KLHL3: variants seen among roughly 807,000 people sequenced by gnomAD.
KLHL3 encodes the protein kelch like family member 3.
KLHL3 carries 19 observed loss-of-function variants against 70.5 expected under a neutral mutation model. That is an observed-to-expected ratio of 0.27 (90% CI 0.19 to 0.40). The LOEUF (loss-of-function observed/expected upper bound fraction) is 0.40, where lower values mean the gene tolerates loss of function less well. Ranked by LOEUF, KLHL3 falls within the 10% of genes least tolerant of loss-of-function variation. The probability of loss-of-function intolerance (pLI) is 1.00; values close to 1 mark genes in which losing one functional copy is unlikely to be tolerated. For missense variants in KLHL3, 512 were observed against 771.1 expected (o/e 0.66, Z 3.98); for synonymous variants, 258 against 290.3 (o/e 0.89, Z 1.13).
chr5:137,711,892 T>C (rs1752798261), intron 2 of KLHL3, among the ~76,000 whole-genome samples: 1 of 152,026 alleles, frequency 6.6e-6, no homozygotes, highest in Non-Finnish European at 1.5e-5. Flanking sequence ...ATCACTGCTA[T>C]TTAAGAATAA....
chr5:137,697,384 G>T (rs7707290), intron 4 of KLHL3, among the ~76,000 whole-genome samples: 1 of 152,034 alleles, frequency 6.6e-6, no homozygotes, highest in Non-Finnish European at 1.5e-5. Flanking sequence ...GGCTGGTTTC[G>T]AACTCCTTAC....
At chr5:137,721,994 T>C (rs114917985) in intron 1 of KLHL3, among the ~76,000 whole-genome samples, 1,833 of 152,346 alleles carry the variant, frequency 0.012, 39 homozygotes, top group African/African-American at 0.042. Flanking sequence ...CGGTTTGATC[T>C]AGGCTAAGCT....
rs1752976621 is a variant in KLHL3, at chr5:137,720,451, G to A, written c.134+14C>T. On this transcript the variant is annotated intron_variant, in intron 2 of 14. Transcript: ENST00000309755. ...GTTCCTTCTGCAAGGGCACGGACAA[G>A]ATAGAAAAAGTACCTCCGCAGTTCA... The A allele has an allele frequency of 1.9e-6, 3 of 1,613,974 alleles. No homozygotes were observed. The highest frequency in any genetic ancestry group is 2.7e-5 in the African/African-American group (2 of 74,916).
intron 7 of KLHL3, chr5:137,660,958 T>C (rs1211438819): frequency 6.5e-6 from 1 of 152,964 alleles, no homozygotes; most frequent in Admixed American, 6.5e-5. Flanking sequence ...AACCTCCTCT[T>C]TATCCTTGCA....
intron 1 of KLHL3, among the ~76,000 whole-genome samples, chr5:137,727,450 C>T (rs1313023620): frequency 1.3e-5 from 2 of 152,196 alleles, no homozygotes; most frequent in African/African-American, 4.8e-5. Flanking sequence ...TGAAGCCTCA[C>T]TGATTCCTCA....
At chr5:137,697,932 G>T (rs1752483098) in intron 4 of KLHL3, among the ~76,000 whole-genome samples, 1 of 152,218 alleles carries the variant, frequency 6.6e-6, no homozygotes, top group Non-Finnish European at 1.5e-5. Context: ...TTTGAATTCT[G>T]AGATGAGACG....
intron 4 of KLHL3, among the ~76,000 whole-genome samples, chr5:137,696,555 G>A (rs896263477): frequency 6.6e-6 from 1 of 152,204 alleles, no homozygotes; most frequent in Non-Finnish European, 1.5e-5. Flanking sequence ...TTGGTACATA[G>A]GAAGTGCTCA....
intron 14 of KLHL3, 134 bp downstream of exon 14, chr5:137,625,619 T>C: frequency 1.2e-6 from 1 of 867,356 alleles, no homozygotes; most frequent in Non-Finnish European, 1.8e-6. Context: ...AACAATTACC[T>C]GTCATCCCTG....
At chr5:137,729,489 T>C (rs938978999) in intron 1 of KLHL3, among the ~76,000 whole-genome samples, 3 of 152,182 alleles carry the variant, frequency 2.0e-5, no homozygotes, top group Non-Finnish European at 4.4e-5. Context: ...ACTCAGTCCC[T>C]AGTTTACTCT....
chr5:137,725,036 C>A (rs1753065125), intron 1 of KLHL3: 1 of 985,166 alleles, frequency 1.0e-6, no homozygotes. Context: ...ACCATTTCAT[C>A]CCCTAAACCT....
At chr5:137,622,232 T>C (rs1750331197) in intron 14 of KLHL3, 106 bp from the exon 15 acceptor site, 4 of 1,338,918 alleles carry the variant, frequency 3.0e-6, no homozygotes, top group Non-Finnish European at 4.3e-6. Flanking sequence ...CCAAGGGAAA[T>C]GTGTGCAATT....
chr5:137,716,513 G>C (rs1752896016), intron 2 of KLHL3, among the ~76,000 whole-genome samples: 1 of 152,188 alleles, frequency 6.6e-6, no homozygotes, highest in African/African-American at 2.4e-5. Flanking sequence ...AGGGGCAAAG[G>C]AAACAGGAAT....
intron 4 of KLHL3, among the ~76,000 whole-genome samples, chr5:137,697,958 T>C (rs1460989075): frequency 2.6e-5 from 4 of 152,184 alleles, no homozygotes; most frequent in East Asian, 1.9e-4. Context: ...CTGGGGAGAA[T>C]AGGAGTCACC....
chr5:137,713,585 G>T (rs746357656), intron 2 of KLHL3, among the ~76,000 whole-genome samples: 3 of 152,096 alleles, frequency 2.0e-5, no homozygotes. Context: ...ACTCTTAGAA[G>T]AAAACATAGG....
intron 6 of KLHL3, among the ~76,000 whole-genome samples, chr5:137,677,249 C>T (rs1751906048): frequency 6.6e-6 from 1 of 152,024 alleles, no homozygotes; most frequent in African/African-American, 2.4e-5. Flanking sequence ...GAGTTCAAGA[C>T]CAGTCTGGTC....
In KLHL3 at chr5:137,650,712, C is replaced by T. The variant is rs1188271461; in HGVS notation, c.903+7419G>A. ...TGGCAGGCGCCTGTAATCCCAGCTA[C>T]TTGGGTGGCTGAGGCAGGAGAATCG... On this transcript the variant is annotated intron_variant, in intron 8 of 14. Transcript: ENST00000309755. Among the ~76,000 whole-genome samples the T allele has an allele frequency of 3.3e-5, 5 of 151,690 alleles. No homozygotes were observed. In the East Asian group the frequency reaches 9.7e-4, roughly 29 times the overall value.
intron 6 of KLHL3, among the ~76,000 whole-genome samples, chr5:137,670,821 A>T (rs1358783310): frequency 2.0e-5 from 3 of 151,978 alleles, no homozygotes; most frequent in Non-Finnish European, 2.9e-5. Context: ...TACAAAAAAA[A>T]AAATAGCCGT....
At chr5:137,687,007 T>G in intron 5 of KLHL3, among the ~76,000 whole-genome samples, 2 of 101,042 alleles carry the variant, frequency 2.0e-5, no homozygotes, top group African/African-American at 7.2e-5. Flanking sequence ...AGCCGCCCCA[T>G]CCGGGAGGGA....
At chr5:137,642,439 C>T (rs982394186) in intron 8 of KLHL3, among the ~76,000 whole-genome samples, 8 of 152,184 alleles carry the variant, frequency 5.3e-5, no homozygotes, top group Non-Finnish European at 1.2e-4. Context: ...TTCACCTGCC[C>T]TGTGTGTTCT....
Sources: gnomAD v4.1 joint callset for allele counts (sites outside exome capture counted in the v4.1 genomes callset) on GRCh38, gnomAD v4.1.1 for gene constraint, MANE v1.5 for transcripts, NCBI Gene and HGNC (gene_info 2026-07-23, HGNC 2026-07-21) for gene names.